The following RTN4 variants were observed in gnomAD, a reference collection of about 807,000 sequenced individuals.
The protein encoded by RTN4 is reticulon-4.
Under a neutral mutation model 90.4 loss-of-function variants are expected in RTN4, and 32 were observed. That is an observed-to-expected ratio of 0.35 (90% CI 0.27 to 0.48). The LOEUF is 0.48. Among genes scored for constraint, RTN4 ranks in the 20% least tolerant of loss-of-function variants. RTN4 has a pLI of 0.99. For synonymous variants in RTN4, 629 were observed against 552.5 expected (o/e 1.14, Z -1.94); for missense variants, 1,706 against 1,430.2 (o/e 1.19, Z -3.11).
intron 2 of RTN4, among the ~76,000 whole-genome samples, chr2:55,071,075 CTTTT>C (rs1484657789): frequency 1.3e-5 from 2 of 150,194 alleles, no homozygotes; most frequent in South Asian, 4.2e-4. Flanking sequence ...CTCGCCCTGC[CTTTT>C]TTTTCTTCTT....
At position 54,974,428 on chromosome 2, in the gene RTN4, C is replaced by T. The variant is rs781245439; in HGVS notation, c.3430+267G>A. On this transcript the variant is annotated intron_variant, in intron 6 of 8. Coordinates refer to ENST00000337526, the MANE Select transcript of RTN4 (RefSeq NM_020532.5). ...CGGAGTAGCTGGGATTACAGGCGTG[C>T]GCCACCACGCCCAGCTAATTTTTTC... is the stretch of plus-strand genomic sequence containing the variant. Among the ~76,000 whole-genome samples, 6 of 152,122 alleles carry T rather than the reference C, an allele frequency of 3.9e-5. No individual in the cohort carries two copies. In the South Asian group the frequency reaches 6.2e-4, roughly 16 times the overall value.
intron 1 of RTN4, among the ~76,000 whole-genome samples, chr2:55,043,616 T>C (rs1002615314): frequency 2.6e-5 from 4 of 152,122 alleles, no homozygotes; most frequent in African/African-American, 9.7e-5. Context: ...CTGGGAGCAG[T>C]GGCTCACACC....
chr2:55,126,735 C>T, the RTN4 span, among the ~76,000 whole-genome samples: 1 of 152,172 alleles, frequency 6.6e-6, no homozygotes, highest in East Asian at 1.9e-4. Context: ...TGAATGTTCA[C>T]TGCAGCACTG....
chr2:55,079,335 T>C (rs1476651139), intron 2 of RTN4, among the ~76,000 whole-genome samples: 1 of 152,216 alleles, frequency 6.6e-6, no homozygotes, highest in Non-Finnish European at 1.5e-5. Context: ...TTCTTCTACT[T>C]ATTGGAAGGA....
At chr2:55,114,173 A>C (rs1243599571), upstream of RTN4, among the ~76,000 whole-genome samples, 1 of 152,234 alleles carries the variant, frequency 6.6e-6, no homozygotes, top group Non-Finnish European at 1.5e-5. Flanking sequence ...GTCTATAATA[A>C]GACAGGCACA....
rs1682693641 is a variant in RTN4, at chr2:55,036,528, G to A, written c.557-8308C>T. On this transcript the variant is annotated intron_variant, in intron 1 of 8. Transcript: ENST00000337526. ...GAGGCACAAGAAACGCTTGAAACCA[G>A]GAGGCAGAGGTTGCAGTGAGCCAAT... Among the ~76,000 whole-genome samples, 3 of 144,118 alleles carry A rather than the reference G, an allele frequency of 2.1e-5. No homozygotes were observed. In the South Asian group the frequency reaches 6.5e-4, roughly 31 times the overall value. 94.5% of individuals were successfully genotyped at this position (144,118 alleles called of 152,430 possible).
intron 3 of RTN4, among the ~76,000 whole-genome samples, chr2:54,991,772 C>T (rs150403298): frequency 2.0e-5 from 3 of 152,256 alleles, no homozygotes; most frequent in African/African-American, 4.8e-5. Flanking sequence ...TACCAGTCTT[C>T]TGATTTGAAC....
chr2:55,043,493 C>T (rs2920893), intron 1 of RTN4, among the ~76,000 whole-genome samples: 48,237 of 151,958 alleles, frequency 0.32, 9,030 homozygotes, highest in East Asian at 0.62. Context: ...TGGCTCACAC[C>T]TGTAATTTCA....
chr2:55,081,287 G>A (rs1234230459), intron 1 of RTN4, among the ~76,000 whole-genome samples: 1 of 151,892 alleles, frequency 6.6e-6, no homozygotes, highest in Non-Finnish European at 1.5e-5. Flanking sequence ...ATGTTGTCCA[G>A]CCTCGGCTCG....
At chr2:55,039,453 A>AAAAG (rs554712462) in intron 1 of RTN4, among the ~76,000 whole-genome samples, 1 of 152,202 alleles carries the variant, frequency 6.6e-6, no homozygotes, top group African/African-American at 2.4e-5. Flanking sequence ...TGTAAAAATA[A>AAAAG]AAAGAAAGAA....
intron 1 of RTN4, among the ~76,000 whole-genome samples, chr2:55,087,674 C>T (rs1479121945): frequency 6.6e-6 from 1 of 151,844 alleles, no homozygotes; most frequent in Non-Finnish European, 1.5e-5. Flanking sequence ...TGTCTTTGTA[C>T]CCATCTGTGA....
intron 2 of RTN4, among the ~76,000 whole-genome samples, chr2:55,068,158 T>C (rs1256370039): frequency 6.6e-6 from 1 of 152,212 alleles, no homozygotes; most frequent in Non-Finnish European, 1.5e-5. Context: ...TATTACTATT[T>C]GGTACCATAT....
intron 3 of RTN4, among the ~76,000 whole-genome samples, chr2:55,020,957 C>G (rs1573399274): frequency 6.6e-6 from 1 of 152,092 alleles, no homozygotes; most frequent in Non-Finnish European, 1.5e-5. Flanking sequence ...AATCTCACCA[C>G]TGCACTTCAG....
upstream of RTN4, among the ~76,000 whole-genome samples, chr2:55,052,389 T>C (rs1411625405): frequency 6.6e-6 from 1 of 152,144 alleles, no homozygotes; most frequent in Non-Finnish European, 1.5e-5. Context: ...AGAAATAAAG[T>C]TTATGAACCT....
At chr2:55,087,585 C>G (rs1262685712) in intron 1 of RTN4, among the ~76,000 whole-genome samples, 2 of 152,036 alleles carry the variant, frequency 1.3e-5, no homozygotes, top group South Asian at 4.1e-4. Context: ...TTTTTCAAGT[C>G]TGAATCTTGT....
chr2:55,010,503 T>G (rs1680556422), intron 3 of RTN4: 1 of 303,322 alleles, frequency 3.3e-6, no homozygotes, highest in Non-Finnish European at 5.1e-6. Flanking sequence ...TGAAATGCAA[T>G]TAAAGCCATA....
Position 55,028,279 on chromosome 2 carries a change from A to C in RTN4, c.557-59T>G, listed in dbSNP as rs1194890861. On this transcript the variant is annotated intron_variant, in intron 1 of 8. Transcript: ENST00000337526. ...ATAAAGACAGATTGAAAGGAGACTA[A>C]AGATAAGAGGAGCAAGCCAGGGTTC... The C allele has an allele frequency of 3.4e-6, 5 of 1,486,518 alleles. No individual in the cohort carries two copies. The African/African-American group carries it at 4.2e-5, about 12-fold the overall frequency. 92.1% of individuals were successfully genotyped at this position (1,486,518 alleles called of 1,614,324 possible). A position where few individuals can be genotyped will look rare whatever the true frequency, so the allele number is the denominator to read the frequency against.
intron 1 of RTN4, among the ~76,000 whole-genome samples, chr2:55,047,943 C>A (rs190905052): frequency 4.9e-4 from 75 of 152,258 alleles, no homozygotes; most frequent in Non-Finnish European, 7.2e-4. Flanking sequence ...ACAGGGGGAA[C>A]AGGATCTGAG....
At chr2:55,079,479 A>G (rs1314298286) in intron 2 of RTN4, among the ~76,000 whole-genome samples, 2 of 152,224 alleles carry the variant, frequency 1.3e-5, no homozygotes, top group African/African-American at 2.4e-5. Context: ...GAAAGCACAC[A>G]TGTCAGGTAA....
Sources: allele counts gnomAD v4.1 joint callset (sites outside exome capture counted in the v4.1 genomes callset), GRCh38; gene constraint gnomAD v4.1.1; transcripts MANE v1.5; gene names NCBI Gene and HGNC (gene_info 2026-07-23, HGNC 2026-07-21).